Variants in FIP1L1 observed in about 807,000 individuals in gnomAD.
The protein encoded by FIP1L1 is factor interacting with PAPOLA and CPSF1.
FIP1L1 carries 21 observed loss-of-function variants against 84.6 expected under a neutral mutation model. The ratio of observed to expected loss-of-function variants is 0.25; its 90% confidence interval spans 0.18 to 0.36. The LOEUF (loss-of-function observed/expected upper bound fraction) is 0.36, where lower values mean the gene tolerates loss of function less well. Among genes scored for constraint, FIP1L1 ranks in the 10% least tolerant of loss-of-function variants. FIP1L1 has a pLI of 1.00. For synonymous variants in FIP1L1, 263 were observed against 242.3 expected (o/e 1.09, Z -0.80); for missense variants, 526 against 751.1 (o/e 0.70, Z 3.50).
rs955308978 is a variant in FIP1L1 at position 53,452,966 on chromosome 4, T to C, written c.1332T>C (p.Leu444=). 1.2e-6 allele frequency: 2 copies of C among 1,613,396 alleles called. No individual in the cohort carries two copies. The highest frequency in any genetic ancestry group is 2.7e-5 in the African/African-American group (2 of 74,860). Residue 444 remains leucine, a synonymous_variant, in exon 16 of 18, where the codon CTT becomes CTC. Coordinates refer to ENST00000337488, the MANE Select transcript of FIP1L1 (RefSeq NM_030917.4). ...GTTCTGCTCCTTCGTGGCCTAGTCT[T>C]GTGGACACCAGCAAGCAGTGGGACT... ...LPGSAPSWPS[L]VDTSKQWDYY...
At chr4:53,410,383 T>C (rs1321022882) in intron 10 of FIP1L1, among the ~76,000 whole-genome samples, 1 of 152,214 alleles carries the variant, frequency 6.6e-6, no homozygotes, top group Non-Finnish European at 1.5e-5. Flanking sequence ...ACTTCGATGA[T>C]TGCTCTTAGT....
chr4:53,420,846 G>A (rs1762129606), intron 11 of FIP1L1, among the ~76,000 whole-genome samples: 2 of 152,012 alleles, frequency 1.3e-5, no homozygotes, highest in African/African-American at 2.4e-5. Flanking sequence ...TTATGTTGAT[G>A]GATATGACTT....
At position 53,460,054 on chromosome 4, in the gene FIP1L1, TAAATTA is replaced by T. The variant is rs973373752; in HGVS notation, c.*607_*612del. 6.0e-5 allele frequency: 6 copies of T among 99,800 alleles called. No individual in the cohort carries two copies. Among genetic ancestry groups the T allele is most frequent in the Non-Finnish European group, 1.2e-4 (6 of 49,006 alleles). 6.2% of individuals were successfully genotyped at this position (99,800 alleles called of 1,614,324 possible). A position where few individuals can be genotyped will look rare whatever the true frequency, so the allele number is the denominator to read the frequency against. On this transcript the variant is annotated 3_prime_UTR_variant, in exon 18 of 18. Coordinates refer to ENST00000337488, the MANE Select transcript of FIP1L1 (RefSeq NM_030917.4). ...AGGCATCTGGGTGGCCTCTATGAAA[TAAATTA>T]ATTAATTACCCATAGTGTAGTTTCT...
intron 11 of FIP1L1, among the ~76,000 whole-genome samples, chr4:53,419,850 C>T (rs1230204500): frequency 6.6e-6 from 1 of 152,160 alleles, no homozygotes; most frequent in African/African-American, 2.4e-5. Context: ...CAATGGCTCA[C>T]GCCTATAATC....
At chr4:53,398,736 C>T (rs897493688) in intron 9 of FIP1L1, among the ~76,000 whole-genome samples, 1 of 152,150 alleles carries the variant, frequency 6.6e-6, no homozygotes, top group African/African-American at 2.4e-5. Context: ...ATAAAGAAGT[C>T]ATTTCAACAG....
At chr4:53,443,442 G>A (rs1473281184) in intron 14 of FIP1L1, among the ~76,000 whole-genome samples, 2 of 152,090 alleles carry the variant, frequency 1.3e-5, no homozygotes, top group African/African-American at 4.8e-5. Context: ...TTCCTCTTAA[G>A]TGGCAAATAA....
chr4:53,458,934 AT>A (rs762755733), intron 17 of FIP1L1, 144 bp downstream of exon 17: 4 of 923,652 alleles, frequency 4.3e-6, no homozygotes, highest in South Asian at 2.0e-5. Flanking sequence ...CTTGTCTCAA[AT>A]TTTTTTAAAA....
intron 9 of FIP1L1, 68 bp downstream of exon 9, chr4:53,391,566 C>T: frequency 9.0e-7 from 1 of 1,108,850 alleles, no homozygotes; most frequent in Non-Finnish European, 1.4e-6. Context: ...CATGCCACTA[C>T]TCAAGGGACA....
intron 13 of FIP1L1, among the ~76,000 whole-genome samples, chr4:53,439,989 G>A (rs550396965): frequency 9.2e-5 from 14 of 151,980 alleles, no homozygotes; most frequent in East Asian, 3.9e-4. Flanking sequence ...AATCATTCAC[G>A]TTTATGTTAA....
intron 9 of FIP1L1, among the ~76,000 whole-genome samples, chr4:53,397,886 T>A (rs1399683079): frequency 2.0e-5 from 3 of 152,190 alleles, no homozygotes; most frequent in Non-Finnish European, 4.4e-5. Flanking sequence ...TTAGTAGTTT[T>A]GTTTTGGCCA....
intron 4 of FIP1L1, among the ~76,000 whole-genome samples, chr4:53,383,175 T>A (rs1348365340): frequency 2.0e-5 from 3 of 152,088 alleles, no homozygotes; most frequent in African/African-American, 7.2e-5. Context: ...TTGCTTTAGA[T>A]CTTTTTGCAA....
At chr4:53,391,803 C>T (rs1482139472) in intron 9 of FIP1L1, among the ~76,000 whole-genome samples, 1 of 152,174 alleles carries the variant, frequency 6.6e-6, no homozygotes, top group African/African-American at 2.4e-5. Flanking sequence ...ATTATGCTCT[C>T]ATTGTAGATA....
At chr4:53,392,353 A>G (rs1196120800) in intron 9 of FIP1L1, among the ~76,000 whole-genome samples, 1 of 152,190 alleles carries the variant, frequency 6.6e-6, no homozygotes, top group Non-Finnish European at 1.5e-5. Context: ...CCACCAGAAT[A>G]CTGCCTTATG....
intron 15 of FIP1L1, among the ~76,000 whole-genome samples, chr4:53,451,021 C>T (rs943357591): frequency 5.4e-5 from 8 of 148,982 alleles, no homozygotes; most frequent in Non-Finnish European, 5.9e-5. Flanking sequence ...AGTGCAGTAG[C>T]GCCATCTCGG....
At chr4:53,390,881 C>A in intron 7 of FIP1L1, 128 bp from the exon 8 acceptor site, 1 of 786,240 alleles carries the variant, frequency 1.3e-6, no homozygotes, top group Non-Finnish European at 1.9e-6. Flanking sequence ...AGTCTTTTTG[C>A]CACCATAAAT....
At chr4:53,400,089 G>A (rs544525041) in intron 10 of FIP1L1, among the ~76,000 whole-genome samples, 1 of 152,294 alleles carries the variant, frequency 6.6e-6, no homozygotes, top group East Asian at 1.9e-4. Context: ...TTATATTCAA[G>A]AGAGGTGAAT....
At chr4:53,393,491 T>C (rs1578232809) in intron 9 of FIP1L1, among the ~76,000 whole-genome samples, 1 of 152,290 alleles carries the variant, frequency 6.6e-6, no homozygotes, top group East Asian at 1.9e-4. Flanking sequence ...CACTTAACAG[T>C]GTTTTGACAT....
At chr4:53,384,351 G>A (rs1739737287) in intron 5 of FIP1L1, among the ~76,000 whole-genome samples, 1 of 152,010 alleles carries the variant, frequency 6.6e-6, no homozygotes, top group Non-Finnish European at 1.5e-5. Context: ...GGAGGTTGCG[G>A]TGAACCCAGA....
intron 10 of FIP1L1, among the ~76,000 whole-genome samples, chr4:53,407,538 G>T (rs1754340367): frequency 6.6e-6 from 1 of 151,990 alleles, no homozygotes; most frequent in South Asian, 2.1e-4. Flanking sequence ...GCTTGGTGCA[G>T]AGCTGAGTTC....
Sources: gnomAD v4.1 joint callset for allele counts (sites outside exome capture counted in the v4.1 genomes callset) on GRCh38, gnomAD v4.1.1 for gene constraint, MANE v1.5 for transcripts, NCBI Gene and HGNC (gene_info 2026-07-23, HGNC 2026-07-21) for gene names.